Variants in DPH6 observed in about 807,000 individuals in gnomAD.
DPH6 encodes diphthine--ammonia ligase.
DPH6 carries 33 observed loss-of-function variants against 38.2 expected under a neutral mutation model. The observed-to-expected ratio is 0.86, with a 90% confidence interval of 0.65 to 1.15. DPH6 has a LOEUF of 1.15. Among genes scored for constraint, DPH6 ranks in the 50% most tolerant of loss-of-function variants. DPH6 has a pLI of 0.00. For synonymous variants in DPH6, 108 were observed against 103.0 expected (o/e 1.05, Z -0.30); for missense variants, 325 against 320.0 (o/e 1.02, Z -0.12).
At chr15:35,483,463 CAAAAAAAAACCAAA>C (rs1291287215) in intron 3 of DPH6, among the ~76,000 whole-genome samples, 7 of 94,066 alleles carry the variant, frequency 7.4e-5, no homozygotes, top group Admixed American at 1.2e-4. Context: ...GACTCTGTCT[CAAAAAAAAACCAAA>C]AAAAAAAAAC....
At chr15:35,389,742 C>A (rs948116770) in intron 6 of DPH6, among the ~76,000 whole-genome samples, 2 of 152,072 alleles carry the variant, frequency 1.3e-5, no homozygotes, top group Non-Finnish European at 2.9e-5. Context: ...TGTCTCTGCA[C>A]GTGAGATTGG....
chr15:35,255,653 C>G (rs138621785), intron 3 of DPH6, among the ~76,000 whole-genome samples: 102 of 152,290 alleles, frequency 6.7e-4, no homozygotes, highest in African/African-American at 2.3e-3. Flanking sequence ...AATATTCTAA[C>G]GTGTTGCCAC....
At chr15:35,258,339 C>T (rs1318473305) in intron 3 of DPH6, among the ~76,000 whole-genome samples, 1 of 152,112 alleles carries the variant, frequency 6.6e-6, no homozygotes, top group East Asian at 1.9e-4. Flanking sequence ...ATGCAAGCCT[C>T]TAGGATAGTC....
At chr15:35,217,649 G>A in exon 4 of DPH6, 1 of 152,452 alleles carries the variant, frequency 6.6e-6, no homozygotes, top group Non-Finnish European at 1.5e-5. Context: ...ACTGCACCCG[G>A]CCACCAATGT....
chr15:35,313,033 G>T (rs2052157624), intron 3 of DPH6, among the ~76,000 whole-genome samples: 1 of 151,986 alleles, frequency 6.6e-6, no homozygotes, highest in Admixed American at 6.6e-5. Context: ...TTTGAGATCA[G>T]CCTGGACAAC....
chr15:35,313,917 A>C (rs534407847), intron 3 of DPH6, among the ~76,000 whole-genome samples: 40 of 152,314 alleles, frequency 2.6e-4, no homozygotes, highest in Non-Finnish European at 1.0e-4. Flanking sequence ...CACCAAAAGC[A>C]CAGGCAACCA....
At chr15:35,159,931 A>G in the DPH6 span, among the ~76,000 whole-genome samples, 1 of 152,004 alleles carries the variant, frequency 6.6e-6, no homozygotes, top group Non-Finnish European at 1.5e-5. Flanking sequence ...CCATTATCCT[A>G]AGCAAACTAA....
intron 4 of DPH6, 110 bp downstream of exon 4, chr15:35,454,637 C>T: frequency 1.2e-6 from 1 of 848,510 alleles, no homozygotes; most frequent in Non-Finnish European, 1.8e-6. Context: ...TTCCATGGAG[C>T]ACGTAGACTA....
chr15:35,468,837 GC>G (rs1566921523), intron 3 of DPH6, among the ~76,000 whole-genome samples: 5 of 152,112 alleles, frequency 3.3e-5, no homozygotes, highest in East Asian at 3.9e-4. Flanking sequence ...GGAGGCTGAG[GC>G]AGGTGGATCA....
intron 3 of DPH6, among the ~76,000 whole-genome samples, chr15:35,249,414 T>C (rs1312378019): frequency 6.6e-6 from 1 of 152,206 alleles, no homozygotes; most frequent in East Asian, 1.9e-4. Context: ...TTTCAAAGCA[T>C]AAAGTCCTTT....
intron 3 of DPH6, among the ~76,000 whole-genome samples, chr15:35,244,424 C>G (rs1410026075): frequency 6.6e-6 from 1 of 152,228 alleles, no homozygotes. Flanking sequence ...CCCCTGGACA[C>G]TCTGGTGCAA....
At chr15:35,323,487 G>A (rs1426462426) in intron 3 of DPH6, among the ~76,000 whole-genome samples, 1 of 152,096 alleles carries the variant, frequency 6.6e-6, no homozygotes, top group Non-Finnish European at 1.5e-5. Context: ...GAACAGTAGA[G>A]GTGACTTTGT....
In DPH6 at chr15:35,390,760, T is replaced by C. The variant is rs2053043740; in HGVS notation, c.568-8844A>G. On this transcript the variant is annotated intron_variant, in intron 6 of 8. Coordinates refer to ENST00000256538, the MANE Select transcript of DPH6 (RefSeq NM_080650.4). ...CGATTTGTCTAATTTTTTTTCAAAG[T>C]TTTTAACTTCTTTGCCATTGGTTCG... Among the ~76,000 whole-genome samples, 5 of 151,958 alleles carry C rather than the reference T, an allele frequency of 3.3e-5. No individual in the cohort carries two copies. The South Asian group carries it at 1.0e-3, about 32-fold the overall frequency.
Position 35,242,247 on chromosome 15 carries a change from C to T in DPH6, n.201-21665G>A, listed in dbSNP as rs1289381010. Among the ~76,000 whole-genome samples the T allele has an allele frequency of 1.5e-4, 21 of 143,046 alleles. 5 individuals are homozygous for T. Among genetic ancestry groups the T allele is most frequent in the Non-Finnish European group, 2.1e-4 (14 of 65,408 alleles). 93.8% of individuals were successfully genotyped at this position (143,046 alleles called of 152,430 possible). ...AAACACACGTGCTCTCCCTGCTGAT[C>T]GTGTCCAGCTGATCTCCCAAACCTC... On this transcript the variant is annotated intron_variant and non_coding_transcript_variant, in intron 3 of 3. Transcript: ENST00000560386.
intron 6 of DPH6, among the ~76,000 whole-genome samples, chr15:35,403,189 C>A (rs2053244682): frequency 6.6e-6 from 1 of 152,070 alleles, no homozygotes; most frequent in Admixed American, 6.6e-5. Flanking sequence ...ATATGTGGAT[C>A]ATGTACACCA....
chr15:35,205,052 T>C, the DPH6 span, among the ~76,000 whole-genome samples: 10 of 151,956 alleles, frequency 6.6e-5, no homozygotes, highest in African/African-American at 1.7e-4. Flanking sequence ...CTGAATTCTA[T>C]TGGAAAGCAC....
chr15:35,299,481 C>G, intron 3 of DPH6: 1 of 754,560 alleles, frequency 1.3e-6, no homozygotes, highest in South Asian at 1.4e-5. Flanking sequence ...CCGACTCTGC[C>G]CATGGGCCGC....
chr15:35,237,959 G>C, intron 3 of DPH6: 4 of 1,422,848 alleles, frequency 2.8e-6, no homozygotes, highest in Non-Finnish European at 4.0e-6. Context: ...AGGTTATAAC[G>C]ATGGAGAGGT....
intron 3 of DPH6, among the ~76,000 whole-genome samples, chr15:35,476,363 G>A (rs2054263709): frequency 6.6e-6 from 1 of 151,870 alleles, no homozygotes; most frequent in South Asian, 2.1e-4. Flanking sequence ...CAGAAGAACT[G>A]AGAAGGTTCA....
Sources: allele counts gnomAD v4.1 joint callset (sites outside exome capture counted in the v4.1 genomes callset), GRCh38; gene constraint gnomAD v4.1.1; transcripts MANE v1.5; gene names NCBI Gene and HGNC (gene_info 2026-07-23, HGNC 2026-07-21).